LRRC7: variants seen among roughly 807,000 people sequenced by gnomAD.
LRRC7 encodes leucine rich repeat containing 7.
In LRRC7, 23 loss-of-function variants were observed where a neutral mutation model predicts 175.7. The observed-to-expected ratio is 0.13, with a 90% CI of 0.09 to 0.19. The LOEUF (loss-of-function observed/expected upper bound fraction) is 0.19. Ranked by LOEUF, LRRC7 falls within the 10% of genes least tolerant of loss-of-function variation. The pLI, the probability that LRRC7 is intolerant of heterozygous loss-of-function variation, is 1.00. For synonymous variants in LRRC7, 685 were observed against 680.9 expected (o/e 1.01, Z -0.09); for missense variants, 1,354 against 1,904.7 (o/e 0.71, Z 5.38).
intron 7 of LRRC7, among the ~76,000 whole-genome samples, chr1:69,922,153 T>A (rs1202030984): frequency 6.6e-6 from 1 of 152,198 alleles, no homozygotes. Context: ...CTCGAACTCC[T>A]GACCTCAGGT....
chr1:69,837,115 A>C (rs373407581), intron 6 of LRRC7, among the ~76,000 whole-genome samples: 115 of 152,044 alleles, frequency 7.6e-4, no homozygotes, highest in Non-Finnish European at 2.4e-4. Context: ...CTAAGTGTGA[A>C]ATGCATTCCT....
At chr1:69,888,304 G>A (rs191097207) in intron 7 of LRRC7, among the ~76,000 whole-genome samples, 9 of 152,262 alleles carry the variant, frequency 5.9e-5, no homozygotes, top group African/African-American at 9.6e-5. Flanking sequence ...ATCCAGGTGC[G>A]GGATATAATC....
At chr1:69,893,924 A>C (rs999155073) in intron 7 of LRRC7, among the ~76,000 whole-genome samples, 1 of 152,176 alleles carries the variant, frequency 6.6e-6, no homozygotes, top group Non-Finnish European at 1.5e-5. Context: ...AAACTGATGA[A>C]CTGTGCAGGA....
At chr1:70,032,792 T>C (rs1658898455) in intron 18 of LRRC7, among the ~76,000 whole-genome samples, 1 of 152,208 alleles carries the variant, frequency 6.6e-6, no homozygotes, top group Admixed American at 6.5e-5. Context: ...GCTTCTTTTC[T>C]TTATGGCAGT....
chr1:69,628,819 G>T (rs1652014858), intron 1 of LRRC7, among the ~76,000 whole-genome samples: 3 of 152,084 alleles, frequency 2.0e-5, no homozygotes, highest in Non-Finnish European at 4.4e-5. Context: ...TTAACTCATA[G>T]AATATAGTCA....
chr1:69,624,490 C>T lies in LRRC7; in HGVS notation c.3-53891C>T, dbSNP rs114114363. ...TTTGTTTTTTCCACTTATCATTCAA[C>T]GAGCAGAAGGGTTAAATTTTTTTAA... is the stretch of plus-strand genomic sequence containing the variant. On this transcript the variant is annotated intron_variant, in intron 1 of 26. Transcript: ENST00000651989. Among the ~76,000 whole-genome samples the T allele has an allele frequency of 1.5e-3, 228 of 151,980 alleles. 2 individuals carry two copies. Among genetic ancestry groups the T allele is most frequent in the African/African-American group, 3.2e-3 (133 of 41,464 alleles).
chr1:69,922,880 A>C (rs1316144939), intron 7 of LRRC7, among the ~76,000 whole-genome samples: 1 of 151,932 alleles, frequency 6.6e-6, no homozygotes, highest in Non-Finnish European at 1.5e-5. Context: ...TTACGTATGT[A>C]TACATACGCC....
At chr1:69,878,636 T>C (rs1044010543) in intron 7 of LRRC7, among the ~76,000 whole-genome samples, 5 of 152,068 alleles carry the variant, frequency 3.3e-5, no homozygotes, top group African/African-American at 9.7e-5. Context: ...CTTGCTGATT[T>C]GACTGTTACT....
chr1:70,073,018 A>G (rs1234116957), intron 23 of LRRC7, among the ~76,000 whole-genome samples: 2 of 152,158 alleles, frequency 1.3e-5, no homozygotes, highest in Non-Finnish European at 2.9e-5. Context: ...CTTGGTTCAA[A>G]TGATGGTCCT....
In LRRC7 at chr1:70,134,130, A is replaced by G. The variant is rs979976677; in HGVS notation, c.*12243A>G. Among the ~76,000 whole-genome samples the G allele has an allele frequency of 6.6e-6, 1 of 151,876 alleles. No individual in the cohort carries two copies. The highest frequency in any genetic ancestry group is 6.5e-5 in the Admixed American group (1 of 15,284). ...GTAATCAGCATAATATGACAATCAG[A>G]TTTTATTTTATTATGAAGTGAATAA... On this transcript the variant is annotated 3_prime_UTR_variant, in exon 27 of 27. Transcript: ENST00000651989.
At chr1:69,577,698 A>G (rs1209202837) in intron 1 of LRRC7, among the ~76,000 whole-genome samples, 1 of 152,028 alleles carries the variant, frequency 6.6e-6, no homozygotes, top group Admixed American at 6.6e-5. Context: ...GTAGATATGC[A>G]GTGTTATTTC....
At chr1:69,783,884 T>G (rs947940100) in intron 3 of LRRC7, among the ~76,000 whole-genome samples, 3 of 152,088 alleles carry the variant, frequency 2.0e-5, no homozygotes, top group African/African-American at 7.2e-5. Flanking sequence ...TTAAAACATT[T>G]AGAAGAAAAA....
intron 7 of LRRC7, 25 bp downstream of exon 7, chr1:69,838,308 T>C (rs1681343309): frequency 6.4e-7 from 1 of 1,567,782 alleles, no homozygotes; most frequent in Non-Finnish European, 8.8e-7. Context: ...ATTTTCTGAA[T>C]TTTGAACTGT....
intron 23 of LRRC7, among the ~76,000 whole-genome samples, chr1:70,074,151 A>G (rs1257884842): frequency 6.6e-6 from 1 of 151,842 alleles, no homozygotes; most frequent in Admixed American, 6.6e-5. Flanking sequence ...GCAGTGCACC[A>G]AGATCGTGCC....
chr1:70,029,688 C>T (rs1003056307), intron 18 of LRRC7, among the ~76,000 whole-genome samples: 1 of 152,012 alleles, frequency 6.6e-6, no homozygotes, highest in African/African-American at 2.4e-5. Context: ...CATACATATA[C>T]GTTTTATATT....
intron 8 of LRRC7, among the ~76,000 whole-genome samples, chr1:69,946,893 C>T (rs1277873676): frequency 6.6e-6 from 1 of 151,988 alleles, no homozygotes; most frequent in Non-Finnish European, 1.5e-5. Context: ...GCCTGGCCAA[C>T]ATGGTGAAAC....
intron 7 of LRRC7, among the ~76,000 whole-genome samples, chr1:69,867,639 G>A (rs1685086434): frequency 6.6e-6 from 1 of 152,178 alleles, no homozygotes; most frequent in South Asian, 2.1e-4. Context: ...ATCAATGGCA[G>A]TGGAATGTGG....
At chr1:69,781,755 GAGAGAGAGAGAAAGAAAGAA>G (rs1673631878) in intron 3 of LRRC7, among the ~76,000 whole-genome samples, 1 of 43,364 alleles carries the variant, frequency 2.3e-5, no homozygotes, top group Non-Finnish European at 3.9e-5. Flanking sequence ...GAGAGAGAGA[GAGAGAGAGAGAAAGAAAGAA>G]AGAAAGAAAG....
chr1:70,113,369 G>A (rs1665645109), intron 26 of LRRC7, among the ~76,000 whole-genome samples: 1 of 152,116 alleles, frequency 6.6e-6, no homozygotes, highest in Non-Finnish European at 1.5e-5. Context: ...ATGTCACAAA[G>A]CCCATGCACT....
Sources: allele counts gnomAD v4.1 joint callset (sites outside exome capture counted in the v4.1 genomes callset), GRCh38; gene constraint gnomAD v4.1.1; transcripts MANE v1.5; gene names NCBI Gene and HGNC (gene_info 2026-07-23, HGNC 2026-07-21).